PRDM1: variants seen among roughly 807,000 people sequenced by gnomAD.
PRDM1 encodes the protein PR/SET domain 1.
In PRDM1, 13 loss-of-function variants were observed where a neutral mutation model predicts 62.8. That is an observed-to-expected ratio of 0.21 (90% CI 0.13 to 0.33). The LOEUF (loss-of-function observed/expected upper bound fraction) is 0.33. Ranked by LOEUF, PRDM1 falls within the 10% of genes least tolerant of loss-of-function variation. The pLI, the probability that PRDM1 is intolerant of heterozygous loss-of-function variation, is 1.00. For missense variants in PRDM1, 895 were observed against 1,058.8 expected, an observed-to-expected ratio of 0.85 and a Z score of 2.15; for synonymous variants, 396 against 417.6, an observed-to-expected ratio of 0.95 and a Z score of 0.63.
intron 1 of PRDM1, among the ~76,000 whole-genome samples, chr6:106,034,635 C>CTCTTT (rs745833853): frequency 0.68 from 60,239 of 89,104 alleles, 21,713 homozygotes; most frequent in South Asian, 0.81. Flanking sequence ...TGTTCTCTCT[C>CTCTTT]TTTTTTTTTT....
At chr6:105,993,556 T>A (rs1028342371) in exon 1 of PRDM1, among the ~76,000 whole-genome samples, 1 of 152,224 alleles carries the variant, frequency 6.6e-6, no homozygotes, top group Non-Finnish European at 1.5e-5. Flanking sequence ...GATTGCTGGG[T>A]TTCCTGCTTC....
At chr6:106,074,457 C>G (rs559693626) in intron 1 of PRDM1, among the ~76,000 whole-genome samples, 1 of 152,100 alleles carries the variant, frequency 6.6e-6, no homozygotes, top group African/African-American at 2.4e-5. Context: ...TGCATGCTCC[C>G]CAAGGGTTGT....
intron 1 of PRDM1, among the ~76,000 whole-genome samples, chr6:106,019,023 A>C (rs1772659359): frequency 6.6e-6 from 1 of 152,054 alleles, no homozygotes; most frequent in Non-Finnish European, 1.5e-5. Context: ...TAATCCCAGC[A>C]CTTAGACCGA....
intron 1 of PRDM1, among the ~76,000 whole-genome samples, chr6:106,019,436 T>A (rs1200408980): frequency 6.6e-6 from 1 of 151,092 alleles, no homozygotes. Flanking sequence ...TTTTTTCTTC[T>A]CCCTATAATT....
rs903176290 is a variant in PRDM1 at position 105,994,181 on chromosome 6, C to T, written c.-67+542C>T. 1.3e-5 allele frequency among the ~76,000 whole-genome samples: 2 copies of T among 151,986 alleles called. No homozygotes were observed. The highest frequency in any genetic ancestry group is 4.8e-5 in the African/African-American group (2 of 41,356). On this transcript the variant is annotated intron_variant, in intron 1 of 6. Coordinates refer to the PRDM1 transcript ENST00000652320. This position sits in a 1 kb window ranked among gnomAD's most constrained non-coding sequence, Gnocchi z 4.1. ...CTGGGCTCGGGTGCCGCGCTGGGGA[C>T]GCCGCATCTACTGAGCGGTCGCCGA... is the stretch of plus-strand genomic sequence containing the variant.
At position 105,994,748 on chromosome 6, in the gene PRDM1, G is replaced by GT. The variant is rs959327806; in HGVS notation, c.-67+1110dup. 1.3e-5 allele frequency among the ~76,000 whole-genome samples: 2 copies of GT among 152,192 alleles called. No individual in the cohort carries two copies. The highest frequency in any genetic ancestry group is 2.9e-5 in the Non-Finnish European group (2 of 68,042). On this transcript the variant is annotated intron_variant, in intron 1 of 6. Coordinates refer to the PRDM1 transcript ENST00000652320. This position sits in a 1 kb window ranked among gnomAD's most constrained non-coding sequence, Gnocchi z 4.1. ...TGCGGTCAAAGCATCAGTCCTGCCC[G>GT]TAACTTCCTAACGACATCTTCTTGG...
At chr6:106,088,088 A>G (rs1773857508) in intron 1 of PRDM1, 113 bp from the exon 2 acceptor site, 1 of 1,338,200 alleles carries the variant, frequency 7.5e-7, no homozygotes, top group South Asian at 1.5e-5. Flanking sequence ...TGTACCAAGC[A>G]CTCTGCATCT....
At chr6:106,076,386 T>G (rs1773606353) in intron 1 of PRDM1, among the ~76,000 whole-genome samples, 1 of 152,124 alleles carries the variant, frequency 6.6e-6, no homozygotes, top group Admixed American at 6.5e-5. Flanking sequence ...CAGAAAGAAT[T>G]TAGAGTGATA....
chr6:106,040,080 C>T (rs1180258974), intron 1 of PRDM1, among the ~76,000 whole-genome samples: 1 of 152,244 alleles, frequency 6.6e-6, no homozygotes, highest in Non-Finnish European at 1.5e-5. Context: ...TGTTTGGGCA[C>T]TGCCCAGCGA....
At chr6:106,010,346 C>T (rs1490615936) in intron 1 of PRDM1, among the ~76,000 whole-genome samples, 2 of 152,148 alleles carry the variant, frequency 1.3e-5, no homozygotes, top group Non-Finnish European at 2.9e-5. Flanking sequence ...ACTACAAATG[C>T]ATAATCATAC....
intron 1 of PRDM1, among the ~76,000 whole-genome samples, chr6:106,055,246 G>C (rs969056444): frequency 3.3e-5 from 5 of 152,180 alleles, no homozygotes; most frequent in Admixed American, 2.6e-4. Flanking sequence ...TTTGCAGTTT[G>C]ATGAAGCAAA....
intron 1 of PRDM1, among the ~76,000 whole-genome samples, chr6:106,056,981 T>G (rs1773277153): frequency 6.6e-6 from 1 of 152,212 alleles, no homozygotes; most frequent in Admixed American, 6.5e-5. Context: ...TCAAGGAATA[T>G]GACTTCAGCA....
At chr6:106,023,796 T>C (rs1772730267) in intron 1 of PRDM1, among the ~76,000 whole-genome samples, 1 of 152,156 alleles carries the variant, frequency 6.6e-6, no homozygotes, top group South Asian at 2.1e-4. Flanking sequence ...TTTTTCTACC[T>C]CCATTTCAAA....
rs1386386883 is a variant in PRDM1, at chr6:106,106,825, G to A, written c.1903-86G>A. On this transcript the variant is annotated intron_variant, in intron 6 of 6. Coordinates refer to ENST00000369096, the MANE Select transcript of PRDM1 (RefSeq NM_001198.4). The surrounding 1 kb of genome is among the most constrained non-coding windows in gnomAD (Gnocchi z 4.4). The stretch of plus-strand genomic sequence containing the variant: ...CCTCCTAGGTTGCTGGGCGTTGGCC[G>A]GTAAGCCTGCCCCTCCCGTTGGCAA... 12 of 1,420,886 alleles carry A rather than the reference G, an allele frequency of 8.4e-6. No homozygotes were observed. The highest frequency in any genetic ancestry group is 2.0e-5 in the Admixed American group (1 of 50,326). 88.0% of individuals were successfully genotyped at this position (1,420,886 alleles called of 1,614,324 possible).
chr6:105,993,923 C>T (rs145476683), intron 1 of PRDM1, among the ~76,000 whole-genome samples: 1 of 152,288 alleles, frequency 6.6e-6, no homozygotes, highest in East Asian at 1.9e-4. Context: ...TTTCGTGTCA[C>T]CAACTTGGAA....
At chr6:106,093,022 TTGTC>T (rs1412543989) in intron 2 of PRDM1, among the ~76,000 whole-genome samples, 1 of 152,216 alleles carries the variant, frequency 6.6e-6, no homozygotes, top group Non-Finnish European at 1.5e-5. Flanking sequence ...GCTCTTTAAT[TTGTC>T]TGGGGTTTGA....
At chr6:106,097,879 A>G (rs964180385) in intron 3 of PRDM1, among the ~76,000 whole-genome samples, 2 of 152,182 alleles carry the variant, frequency 1.3e-5, no homozygotes, top group Admixed American at 1.3e-4. Context: ...TGATAGCAGA[A>G]TTCACCCAGC....
At chr6:106,103,853 G>A (rs562851416) in intron 4 of PRDM1, among the ~76,000 whole-genome samples, 1 of 152,302 alleles carries the variant, frequency 6.6e-6, no homozygotes, top group African/African-American at 2.4e-5. Context: ...GTTTGGCAGA[G>A]GTGACTGTCA....
chr6:106,015,839 A>G (rs1225041187), intron 1 of PRDM1, among the ~76,000 whole-genome samples: 1 of 152,016 alleles, frequency 6.6e-6, no homozygotes, highest in Non-Finnish European at 1.5e-5. Context: ...TAAAATATAC[A>G]TGACAAAAGT....
Sources: gnomAD v4.1 joint callset for allele counts (sites outside exome capture counted in the v4.1 genomes callset) on GRCh38, gnomAD v4.1.1 for gene constraint, Gnocchi (gnomAD v3.1) non-coding constraint, MANE v1.5 for transcripts, NCBI Gene and HGNC (gene_info 2026-07-23, HGNC 2026-07-21) for gene names.